CBL: variants seen among roughly 807,000 people sequenced by gnomAD.
CBL encodes the protein E3 ubiquitin-protein ligase CBL.
In CBL, 45 loss-of-function variants were observed where a neutral mutation model predicts 96.9. The ratio of observed to expected loss-of-function variants is 0.46; its 90% CI spans 0.37 to 0.60. The LOEUF (loss-of-function observed/expected upper bound fraction) is 0.60, where lower values mean the gene tolerates loss of function less well. CBL is among the 20% of genes least tolerant of loss of function. The pLI is 0.00. For synonymous variants in CBL, 420 were observed against 426.8 expected (o/e 0.98, Z 0.20); for missense variants, 1,024 against 1,143.5 (o/e 0.90, Z 1.51).
chr11:119,265,966 G>A (rs1339254152), intron 2 of CBL, among the ~76,000 whole-genome samples: 1 of 143,898 alleles, frequency 6.9e-6, no homozygotes, highest in Admixed American at 7.2e-5. Context: ...GGTGCAGTGA[G>A]CCAAGACGTG....
At chr11:119,264,813 GTT>G (rs1949788896) in intron 2 of CBL, among the ~76,000 whole-genome samples, 1 of 152,086 alleles carries the variant, frequency 6.6e-6, no homozygotes, top group Non-Finnish European at 1.5e-5. Context: ...CTACAGAAGA[GTT>G]GAAAGAATTT....
chr11:119,277,879 GAC>G (rs750115567), intron 7 of CBL, 35 bp downstream of exon 7: 1 of 1,342,104 alleles, frequency 7.5e-7, no homozygotes, highest in Non-Finnish European at 1.1e-6. Context: ...CATATCACTG[GAC>G]ACAAGCTTTA....
chr11:119,217,584 C>T (rs1325272060), intron 1 of CBL, among the ~76,000 whole-genome samples: 2 of 152,232 alleles, frequency 1.3e-5, no homozygotes, highest in Middle Eastern at 6.8e-3. Context: ...TTTTGCATTC[C>T]TAATCAGCTC....
At chr11:119,269,421 T>G (rs1404362800) in intron 2 of CBL, among the ~76,000 whole-genome samples, 1 of 151,926 alleles carries the variant, frequency 6.6e-6, no homozygotes, top group Non-Finnish European at 1.5e-5. Context: ...GCCAGGCTAG[T>G]CTCAAACTCC....
chr11:119,235,667 GA>G (rs1004241868), intron 2 of CBL, among the ~76,000 whole-genome samples: 1 of 151,662 alleles, frequency 6.6e-6, no homozygotes, highest in African/African-American at 2.4e-5. Context: ...GACTTATAAT[GA>G]AAAAAAAGTC....
chr11:119,286,791 G>T (rs1225428045), intron 11 of CBL, among the ~76,000 whole-genome samples: 1 of 152,164 alleles, frequency 6.6e-6, no homozygotes, highest in Non-Finnish European at 1.5e-5. Flanking sequence ...TTGATGTTTT[G>T]TTCATTTATG....
chr11:119,211,945 G>C (rs1034176591), intron 1 of CBL, among the ~76,000 whole-genome samples: 3 of 151,686 alleles, frequency 2.0e-5, no homozygotes, highest in African/African-American at 7.3e-5. Flanking sequence ...TTGAGATGGA[G>C]TTCCACTATT....
At chr11:119,247,284 C>A (rs764580637) in intron 2 of CBL, among the ~76,000 whole-genome samples, 19 of 152,198 alleles carry the variant, frequency 1.2e-4, no homozygotes, top group Admixed American at 7.9e-4. Context: ...AGATAGCCTA[C>A]TTTTGCCACA....
intron 1 of CBL, among the ~76,000 whole-genome samples, chr11:119,225,719 A>ATTTTT (rs1216251558): frequency 1.5e-5 from 1 of 66,180 alleles, no homozygotes. Flanking sequence ...CAATATAAAT[A>ATTTTT]TTTTCTTTTT....
chr11:119,214,953 G>A (rs1416628866), intron 1 of CBL, among the ~76,000 whole-genome samples: 8 of 147,638 alleles, frequency 5.4e-5, no homozygotes, highest in Non-Finnish European at 1.0e-4. Context: ...TACTAAAAGA[G>A]GTTTTACCTT....
chr11:119,267,933 C>T (rs965752953), intron 2 of CBL, among the ~76,000 whole-genome samples: 1 of 152,220 alleles, frequency 6.6e-6, no homozygotes, highest in Non-Finnish European at 1.5e-5. Flanking sequence ...TTATGTCTAG[C>T]TGGCTCCTAA....
Position 119,307,833 on chromosome 11 carries a change from G to T in CBL, c.*8052G>T. The T allele has an allele frequency of 4.8e-6, 1 of 209,144 alleles. No homozygotes were observed. The highest frequency in any genetic ancestry group is 9.7e-6 in the Non-Finnish European group (1 of 102,676). The allele number at this position is 209,144 out of a possible 1,614,324, so 13.0% of individuals were successfully genotyped here. On this transcript the variant is annotated 3_prime_UTR_variant, in exon 16 of 16. Transcript: ENST00000264033. The stretch of plus-strand genomic sequence containing the variant: ...GAAAACAAAACAAACACATAGGTGA[G>T]ATTTTCGTGGACTATTTTAAAAATG...
At chr11:119,219,376 C>CA (rs112712991) in intron 1 of CBL, among the ~76,000 whole-genome samples, 34,033 of 124,012 alleles carry the variant, frequency 0.27, 4,147 homozygotes, top group East Asian at 0.39. Flanking sequence ...GACTCTGTCT[C>CA]AAAAAAAAAA....
intron 2 of CBL, among the ~76,000 whole-genome samples, chr11:119,264,983 C>T (rs951908282): frequency 6.6e-6 from 1 of 152,114 alleles, no homozygotes; most frequent in Non-Finnish European, 1.5e-5. Flanking sequence ...TTCAAGCTAT[C>T]ATCCCACCTC....
chr11:119,280,942 T>A (rs1004160119), intron 9 of CBL, among the ~76,000 whole-genome samples: 6 of 152,268 alleles, frequency 3.9e-5, no homozygotes, highest in African/African-American at 1.4e-4. Flanking sequence ...TTTTGCTTTC[T>A]TATACAACTT....
At chr11:119,253,282 A>G (rs924440345) in intron 2 of CBL, among the ~76,000 whole-genome samples, 1 of 151,950 alleles carries the variant, frequency 6.6e-6, no homozygotes, top group African/African-American at 2.4e-5. Context: ...AGTACTTAGA[A>G]TAATGCCTGG....
At chr11:119,280,597 T>A (rs537980656) in intron 9 of CBL, among the ~76,000 whole-genome samples, 183 of 152,106 alleles carry the variant, frequency 1.2e-3, no homozygotes, top group African/African-American at 2.8e-3. Flanking sequence ...TGCACATGGA[T>A]TTTTTTTAAG....
intron 1 of CBL, among the ~76,000 whole-genome samples, chr11:119,212,648 GAATA>G (rs1011779107): frequency 3.6e-4 from 55 of 151,472 alleles, no homozygotes; most frequent in South Asian, 6.3e-4. Context: ...ATGAATGAAT[GAATA>G]AATAAATAAA....
intron 9 of CBL, among the ~76,000 whole-genome samples, chr11:119,281,494 CTTTTTT>C (rs34775460): frequency 7.9e-6 from 1 of 125,834 alleles, no homozygotes. Context: ...CACCAAAAGC[CTTTTTT>C]TTTTTTTTTT....
Sources: gnomAD v4.1 joint callset for allele counts (sites outside exome capture counted in the v4.1 genomes callset) on GRCh38, gnomAD v4.1.1 for gene constraint, MANE v1.5 for transcripts, NCBI Gene and HGNC (gene_info 2026-07-23, HGNC 2026-07-21) for gene names.